The following TCERG1L variants were observed in gnomAD, a reference collection of about 807,000 sequenced individuals.
TCERG1L encodes transcription elongation regulator 1 like.
Under a neutral mutation model 56.3 loss-of-function variants are expected in TCERG1L, and 37 were observed. That is an observed-to-expected ratio of 0.66 (90% CI 0.51 to 0.87). The LOEUF (loss-of-function observed/expected upper bound fraction) is 0.87, where lower values mean the gene tolerates loss of function less well. Ranked by LOEUF, TCERG1L falls within the 40% of genes least tolerant of loss-of-function variation. The pLI is 0.00. For missense variants in TCERG1L, 799 were observed against 774.2 expected, an observed-to-expected ratio of 1.03 and a Z score of -0.38; for synonymous variants, 324 against 326.3, an observed-to-expected ratio of 0.99 and a Z score of 0.08.
intron 9 of TCERG1L, among the ~76,000 whole-genome samples, chr10:131,108,766 C>T (rs1046674086): frequency 3.9e-5 from 6 of 152,174 alleles, no homozygotes; most frequent in Admixed American, 3.3e-4. Context: ...GGGCTTTGCT[C>T]GCGTCTGGTG....
At chr10:131,186,736 C>G (rs2944461) in intron 4 of TCERG1L, among the ~76,000 whole-genome samples, 100,705 of 152,024 alleles carry the variant, frequency 0.66, 34,666 homozygotes, top group South Asian at 0.87. Flanking sequence ...GAAGGCTCTG[C>G]CTCTGGGCCT....
At chr10:131,272,811 A>T (rs1312130941) in intron 3 of TCERG1L, among the ~76,000 whole-genome samples, 1 of 152,206 alleles carries the variant, frequency 6.6e-6, no homozygotes, top group Non-Finnish European at 1.5e-5. Flanking sequence ...CCGTCACCTC[A>T]GCAGGCTCAA....
At chr10:131,093,506 C>T (rs1293475134) in intron 11 of TCERG1L, among the ~76,000 whole-genome samples, 188 bp from the exon 12 acceptor site, 1 of 152,114 alleles carries the variant, frequency 6.6e-6, no homozygotes, top group Non-Finnish European at 1.5e-5. Flanking sequence ...CCTGCAGGGC[C>T]CTGACCCACC....
chr10:131,223,695 GACAC>G (rs201993422), intron 4 of TCERG1L, among the ~76,000 whole-genome samples: 2,440 of 75,118 alleles, frequency 0.032, 29 homozygotes, highest in East Asian at 0.11. Context: ...CACGCATACA[GACAC>G]ACACACATGC....
At chr10:131,093,389 G>T in intron 11 of TCERG1L, 71 bp from the exon 12 acceptor site, 4 of 1,553,770 alleles carry the variant, frequency 2.6e-6, no homozygotes, top group Non-Finnish European at 3.5e-6. Flanking sequence ...TCCTGCAGCG[G>T]CACCGCCTGA....
rs568996366 is a variant in TCERG1L, at chr10:131,303,078, C to A, written c.670+5133G>T. 1.3e-4 allele frequency among the ~76,000 whole-genome samples: 20 copies of A among 152,106 alleles called. No homozygotes were observed. In the South Asian group the frequency reaches 1.5e-3, roughly 11 times the overall value. ...GTCTTTGCTATCATGAACAGTGCTG[C>A]AGTAAACATACGTGTGCATGTGTCT... On this transcript the variant is annotated intron_variant, in intron 3 of 11. Coordinates refer to ENST00000368642, the MANE Select transcript of TCERG1L (RefSeq NM_174937.4).
chr10:131,219,491 C>T (rs1250928778), intron 4 of TCERG1L, among the ~76,000 whole-genome samples: 5 of 152,206 alleles, frequency 3.3e-5, no homozygotes, highest in African/African-American at 1.2e-4. Flanking sequence ...TGGAGCCTAG[C>T]ACATCGCTGG....
chr10:131,218,440 T>C (rs986516906), intron 4 of TCERG1L, among the ~76,000 whole-genome samples: 1 of 152,220 alleles, frequency 6.6e-6, no homozygotes, highest in African/African-American at 2.4e-5. Context: ...AGCTTACAGA[T>C]GGCAACTGAG....
chr10:131,291,066 C>T (rs1451772855), intron 3 of TCERG1L, among the ~76,000 whole-genome samples: 1 of 152,114 alleles, frequency 6.6e-6, no homozygotes, highest in Non-Finnish European at 1.5e-5. Flanking sequence ...GAGAACATTC[C>T]ACTTGGTGGT....
intron 7 of TCERG1L, among the ~76,000 whole-genome samples, chr10:131,141,156 A>G (rs1400962346): frequency 6.6e-6 from 1 of 152,064 alleles, no homozygotes; most frequent in African/African-American, 2.4e-5. Context: ...TTTGGTCAAT[A>G]ATCATAATGG....
intron 4 of TCERG1L, among the ~76,000 whole-genome samples, chr10:131,219,630 C>T (rs975115944): frequency 1.3e-5 from 2 of 152,220 alleles, no homozygotes; most frequent in Admixed American, 1.3e-4. Context: ...TCTCCCGCCT[C>T]CCCAGGGAAG....
chr10:131,137,158 A>AAAC (rs1564799178), intron 7 of TCERG1L, among the ~76,000 whole-genome samples: 1 of 151,760 alleles, frequency 6.6e-6, no homozygotes, highest in African/African-American at 2.4e-5. Context: ...ACAAACAAAC[A>AAAC]AACAAACAAA....
At chr10:131,147,966 T>C (rs552899193) in intron 6 of TCERG1L, among the ~76,000 whole-genome samples, 198 of 152,302 alleles carry the variant, frequency 1.3e-3, no homozygotes, top group Non-Finnish European at 2.5e-3. Context: ...GCTCAGGGCC[T>C]GGGGCCCTGC....
chr10:131,246,548 C>T (rs935857720), intron 4 of TCERG1L, among the ~76,000 whole-genome samples: 7 of 152,028 alleles, frequency 4.6e-5, no homozygotes, highest in African/African-American at 1.7e-4. Context: ...TGGAGAAGAA[C>T]GGCAAAAAAC....
chr10:131,259,494 C>T (rs1846210557), intron 4 of TCERG1L, among the ~76,000 whole-genome samples: 1 of 152,172 alleles, frequency 6.6e-6, no homozygotes, highest in Non-Finnish European at 1.5e-5. Context: ...ACGCATTTCA[C>T]AAGGATGTCT....
At chr10:131,284,057 G>A (rs1846493825) in intron 3 of TCERG1L, among the ~76,000 whole-genome samples, 2 of 151,384 alleles carry the variant, frequency 1.3e-5, no homozygotes, top group South Asian at 2.1e-4. Flanking sequence ...AACCCAGGGG[G>A]CGAGGCTGCA....
At chr10:131,149,038 C>G (rs1845834884) in intron 6 of TCERG1L, among the ~76,000 whole-genome samples, 1 of 151,962 alleles carries the variant, frequency 6.6e-6, no homozygotes, top group Non-Finnish European at 1.5e-5. Flanking sequence ...GGCAAACTTT[C>G]CAGCTCCAGC....
Position 131,116,938 on chromosome 10 carries a change from C to A in TCERG1L, c.1260-4G>T, listed in dbSNP as rs1202597572. 1.2e-6 allele frequency: 2 copies of A among 1,607,658 alleles called. No individual in the cohort carries two copies. Among genetic ancestry groups the A allele is most frequent in the Non-Finnish European group, 1.7e-6 (2 of 1,177,548 alleles). On this transcript the variant is annotated splice_polypyrimidine_tract_variant and splice_region_variant and intron_variant, in intron 8 of 11. Coordinates refer to ENST00000368642, the MANE Select transcript of TCERG1L (RefSeq NM_174937.4). Reference sequence around the variant, plus strand: ...GGGACTCCCGCAGCCTTCGGTCCTTCAGGAACACAAGACGCAGAGTTAGAC... The same window carrying A: ...GGGACTCCCGCAGCCTTCGGTCCTTAAGGAACACAAGACGCAGAGTTAGAC...
chr10:131,217,288 T>C (rs72841322), intron 4 of TCERG1L, among the ~76,000 whole-genome samples: 8,745 of 152,122 alleles, frequency 0.057, 342 homozygotes, highest in African/African-American at 0.11. Context: ...GCTCCAGTCA[T>C]GTAGGACGCC....
Sources: allele counts gnomAD v4.1 joint callset (sites outside exome capture counted in the v4.1 genomes callset), GRCh38; gene constraint gnomAD v4.1.1; transcripts MANE v1.5; gene names NCBI Gene and HGNC (gene_info 2026-07-23, HGNC 2026-07-21).